The following ADAMTS9 variants were observed in gnomAD, a reference collection of about 807,000 sequenced individuals.
ADAMTS9 encodes the protein A disintegrin and metalloproteinase with thrombospondin motifs 9.
In ADAMTS9, 107 loss-of-function variants were observed where a neutral mutation model predicts 257.1. The ratio of observed to expected loss-of-function variants is 0.42; its 90% CI spans 0.36 to 0.49. The LOEUF (loss-of-function observed/expected upper bound fraction) is 0.49, where lower values mean the gene tolerates loss of function less well. Ranked by LOEUF, ADAMTS9 falls within the 20% of genes least tolerant of loss-of-function variation. The pLI is 0.03. For synonymous variants in ADAMTS9, 982 were observed against 880.9 expected (o/e 1.11, Z -2.03); for missense variants, 2,353 against 2,469.1 (o/e 0.95, Z 1.00).
chr3:64,678,864 A>G (rs2107040602), intron 3 of ADAMTS9, among the ~76,000 whole-genome samples: 1 of 152,346 alleles, frequency 6.6e-6, no homozygotes, highest in South Asian at 2.1e-4. Context: ...GAGAGAGACC[A>G]GAGTGGCACA....
chr3:64,652,410 G>T (rs994392648), intron 8 of ADAMTS9, among the ~76,000 whole-genome samples: 1 of 152,098 alleles, frequency 6.6e-6, no homozygotes, highest in African/African-American at 2.4e-5. Context: ...TTTCTTAAAA[G>T]AACGAATGCC....
rs570180508 is a variant in ADAMTS9 at position 64,565,941 on chromosome 3, A to G, written c.4524+2427T>C. ...AATATTCCACTTTAAATCTCAAAAC[A>G]TCAATACTAGCAGAGAAACTGTAAA... is the stretch of plus-strand genomic sequence containing the variant. On this transcript the variant is annotated intron_variant, in intron 29 of 39. Transcript: ENST00000498707. 5 of 152,332 alleles carry G rather than the reference A, an allele frequency of 3.3e-5. No individual in the cohort carries two copies. The East Asian group carries it at 7.7e-4, about 23-fold the overall frequency. 9.4% of individuals were successfully genotyped at this position (152,332 alleles called of 1,614,324 possible).
At chr3:64,557,121 A>G (rs925278719) in intron 30 of ADAMTS9, among the ~76,000 whole-genome samples, 27 of 152,160 alleles carry the variant, frequency 1.8e-4, no homozygotes, top group Non-Finnish European at 3.5e-4. Flanking sequence ...GGCTTCTGAG[A>G]GGAAGTGACA....
intron 28 of ADAMTS9, among the ~76,000 whole-genome samples, chr3:64,580,542 C>A (rs1054789560): frequency 6.6e-6 from 1 of 152,148 alleles, no homozygotes; most frequent in Admixed American, 6.6e-5. Flanking sequence ...CCTTTCCTTA[C>A]AAATGTACTA....
In ADAMTS9 at chr3:64,613,381, C is replaced by G. The variant is rs758664545; in HGVS notation, c.3318G>C (p.Pro1106=). 1 of 1,613,790 alleles carries G rather than the reference C, an allele frequency of 6.2e-7. No individual in the cohort carries two copies. Among genetic ancestry groups the G allele is most frequent in the Admixed American group, 1.7e-5 (1 of 59,988 alleles). The change falls in exon 22 of 40, where the codon CCG becomes CCC. Residue 1106 remains proline, a synonymous_variant. Transcript: ENST00000498707. ...GACCCGCCTGCCAGGATGCACATTC[C>G]GGCTGCTGACAAGTCTGCATAGATG... ...KPTSMQTCQQ[P]ECASWQAGPW...
intron 31 of ADAMTS9, among the ~76,000 whole-genome samples, chr3:64,548,522 A>C (rs1395901700): frequency 6.6e-6 from 1 of 152,134 alleles, no homozygotes; most frequent in Non-Finnish European, 1.5e-5. Flanking sequence ...AAAGTTGTGC[A>C]TTTGAGAGGG....
At chr3:64,535,980 T>C (rs943414511) in intron 37 of ADAMTS9, among the ~76,000 whole-genome samples, 1 of 152,192 alleles carries the variant, frequency 6.6e-6, no homozygotes, top group Non-Finnish European at 1.5e-5. Flanking sequence ...CCACTCAGAC[T>C]GCCTGTCCCA....
Position 64,595,774 on chromosome 3 carries a change from GC to G in ADAMTS9, c.4179+1055del, listed in dbSNP as rs560225546. Reference sequence around the variant, plus strand: ...TTCAGCCAAGGATGTGGACTAACATGCCCATCAATCTCATTTGTCTTTTTCC... The same window carrying G: ...TTCAGCCAAGGATGTGGACTAACATGCCATCAATCTCATTTGTCTTTTTCC... On this transcript the variant is annotated intron_variant, in intron 27 of 39. Transcript: ENST00000498707. 2.7e-3 allele frequency among the ~76,000 whole-genome samples: 409 copies of G among 149,028 alleles called. 1 individual carries two copies. Among genetic ancestry groups the G allele is most frequent in the Non-Finnish European group, 3.4e-3 (231 of 67,732 alleles).
chr3:64,659,497 A>C (rs1237024141), intron 3 of ADAMTS9, among the ~76,000 whole-genome samples: 1 of 151,518 alleles, frequency 6.6e-6, no homozygotes, highest in East Asian at 1.9e-4. Context: ...AAAAAAGGAA[A>C]TGTTTCATAT....
chr3:64,645,159 T>C (rs925643331), intron 11 of ADAMTS9, among the ~76,000 whole-genome samples: 2 of 152,200 alleles, frequency 1.3e-5, no homozygotes, highest in African/African-American at 4.8e-5. Context: ...AAACATTAAG[T>C]GGCTGGTGAA....
chr3:64,625,860 C>T (rs1053186209), intron 16 of ADAMTS9, among the ~76,000 whole-genome samples: 1 of 152,204 alleles, frequency 6.6e-6, no homozygotes, highest in Admixed American at 6.5e-5. Flanking sequence ...TCTTAATCTT[C>T]ACCTATCTTC....
Position 64,662,655 on chromosome 3 carries a change from T to A in ADAMTS9, c.680-3864A>T, listed in dbSNP as rs955027005. On this transcript the variant is annotated intron_variant, in intron 3 of 39. Coordinates refer to ENST00000498707, the MANE Select transcript of ADAMTS9 (RefSeq NM_182920.2). ...GACTTTTTTATCATTATAAAACACTTTGATGGACTTTATTCTACCAGGAAA... is the reference window on the plus strand; with the variant it reads ...GACTTTTTTATCATTATAAAACACTATGATGGACTTTATTCTACCAGGAAA... Among the ~76,000 whole-genome samples the A allele has an allele frequency of 3.3e-5, 5 of 152,098 alleles. No homozygotes were observed. The South Asian group carries it at 8.3e-4, about 25-fold the overall frequency.
chr3:64,650,991 G>C (rs2106946596), intron 9 of ADAMTS9, 26 bp downstream of exon 9: 2 of 1,581,070 alleles, frequency 1.3e-6, no homozygotes, highest in Middle Eastern at 1.7e-4. Flanking sequence ...CTAGAAGTTT[G>C]TGCTAAAAGA....
chr3:64,546,100 C>A (rs1052257944), intron 32 of ADAMTS9, among the ~76,000 whole-genome samples: 3 of 152,210 alleles, frequency 2.0e-5, no homozygotes, highest in Non-Finnish European at 4.4e-5. Context: ...TTATGAGTAT[C>A]AGATTTTAAG....
At position 64,611,931 on chromosome 3, in the gene ADAMTS9, C is replaced by T. The variant is rs963739921; in HGVS notation, c.3354+1414G>A. 7.2e-5 allele frequency among the ~76,000 whole-genome samples: 11 copies of T among 152,250 alleles called. No homozygotes were observed. In the East Asian group the frequency reaches 2.1e-3, roughly 29 times the overall value. On this transcript the variant is annotated intron_variant, in intron 22 of 39. Transcript: ENST00000498707. ...ATATGCTAAATGCCACTGATTTGTT[C>T]GCTTTAAAATGGTTCATTTTGTATT...
At chr3:64,542,095 G>A in intron 32 of ADAMTS9, 125 bp from the exon 33 acceptor site, 1 of 1,297,012 alleles carries the variant, frequency 7.7e-7, no homozygotes, top group East Asian at 2.3e-5. Context: ...CTGTGTCGCT[G>A]AATACAAAAA....
chr3:64,641,720 G>T, intron 12 of ADAMTS9, 128 bp downstream of exon 12: 1 of 1,239,784 alleles, frequency 8.1e-7, no homozygotes, highest in Non-Finnish European at 1.1e-6. Flanking sequence ...GGTCTAAGCA[G>T]CCCTTGAAGT....
At chr3:64,579,990 C>T (rs2083953710) in intron 28 of ADAMTS9, among the ~76,000 whole-genome samples, 1 of 152,154 alleles carries the variant, frequency 6.6e-6, no homozygotes, top group African/African-American at 2.4e-5. Context: ...ATGCAAGAAA[C>T]ATTGACAGTG....
At position 64,575,574 on chromosome 3, in the gene ADAMTS9, T is replaced by C. The variant is rs142764688; in HGVS notation, c.4357-7039A>G. On this transcript the variant is annotated intron_variant, in intron 28 of 39. Coordinates refer to ENST00000498707, the MANE Select transcript of ADAMTS9 (RefSeq NM_182920.2). ...TGCTGCCAACACAGGAAATGGCAGC[T>C]GGGGTGGTGGGGAGGGTGCTTGTCT... Among the ~76,000 whole-genome samples the C allele has an allele frequency of 8.8e-4, 134 of 152,164 alleles. 1 individual carries two copies. The East Asian group carries it at 0.023, about 26-fold the overall frequency.
Sources: allele counts gnomAD v4.1 joint callset (sites outside exome capture counted in the v4.1 genomes callset), GRCh38; gene constraint gnomAD v4.1.1; transcripts MANE v1.5; gene names NCBI Gene and HGNC (gene_info 2026-07-23, HGNC 2026-07-21).